SBNO2: variants seen among roughly 807,000 people sequenced by gnomAD.
The protein encoded by SBNO2 is protein strawberry notch homolog 2.
Under a neutral mutation model 146.3 loss-of-function variants are expected in SBNO2, and 89 were observed. The observed-to-expected ratio is 0.61, with a 90% CI of 0.51 to 0.73. SBNO2 has a LOEUF of 0.73. SBNO2 is among the 30% of genes least tolerant of loss of function. SBNO2 has a pLI of 0.00. For synonymous variants in SBNO2, 1,147 were observed against 892.6 expected (o/e 1.29, Z -5.08); for missense variants, 2,092 against 2,003.7 (o/e 1.04, Z -0.84).
At position 1,117,431 on chromosome 19, in the gene SBNO2, C is replaced by A. The variant is rs781433669; in HGVS notation, c.1596G>T (p.Leu532=). The change falls in exon 15 of 32, where the codon CTG becomes CTT. Residue 532 remains leucine, a synonymous_variant. Transcript: ENST00000361757. ...GGTGTGCCGACCAGAACTGGCCCCA[C>A]AGGGACTTGCGCGACTCCAGGCCGA... ...DWIGLESRKS[L]WGQFWSAHQR... 67 of 1,590,564 alleles carry A rather than the reference C, an allele frequency of 4.2e-5. No individual in the cohort carries two copies. Among genetic ancestry groups the A allele is most frequent in the Non-Finnish European group, 5.6e-5 (65 of 1,170,118 alleles).
At chr19:1,120,511 TG>T (rs1393907536) in intron 11 of SBNO2, among the ~76,000 whole-genome samples, 2 of 152,060 alleles carry the variant, frequency 1.3e-5, no homozygotes, top group African/African-American at 2.4e-5. Context: ...GGACTACAGG[TG>T]TGTGCCACCA....
chr19:1,116,923 C>T lies in SBNO2; in HGVS notation c.1708G>A (p.Val570Met), dbSNP rs1200708405. The change falls in exon 16 of 32, where the codon GTG (valine) becomes ATG (methionine). Residue 570 changes from valine (V) to methionine (M), a missense_variant. Val to Met is a conservative substitution (Grantham distance 21). Transcript: ENST00000361757. ...AREELARDKCVVIGLQSTGEA... is the reference protein window; with the variant it reads ...AREELARDKCMVIGLQSTGEA... ...CCCGTGGACTGCAGCCCGATGACCA[C>T]GCACTGTGGGACGGCAGAGGACTGT... The T allele has an allele frequency of 3.2e-6, 5 of 1,556,314 alleles. No individual in the cohort carries two copies. The highest frequency in any genetic ancestry group is 4.3e-6 in the Non-Finnish European group (5 of 1,156,648).
chr19:1,124,058 G>C, intron 5 of SBNO2, 36 bp from the exon 6 acceptor site: 1 of 1,591,886 alleles, frequency 6.3e-7, no homozygotes, highest in Non-Finnish European at 8.6e-7. Flanking sequence ...CGGGCCAGAC[G>C]GGACAGGTCA....
Position 1,136,019 on chromosome 19 carries a change from A to G in SBNO2, c.280-8254T>C, listed in dbSNP as rs750265251. Among the ~76,000 whole-genome samples the G allele has an allele frequency of 3.4e-5, 5 of 145,278 alleles. No individual in the cohort carries two copies. Among genetic ancestry groups the G allele is most frequent in the Admixed American group, 6.8e-5 (1 of 14,630 alleles). ...CCGGTCCTTGCAGATGTGAGTGGTT[A>G]AAAAAAAAAAGGCCGCACTGGCCGA... On this transcript the variant is annotated intron_variant, in intron 4 of 31. Transcript: ENST00000361757. The surrounding 1 kb of genome is among the most constrained non-coding windows in gnomAD (Gnocchi z 4.2).
At position 1,144,187 on chromosome 19, in the gene SBNO2, C is replaced by T. The variant is rs2080165104; in HGVS notation, c.279+3122G>A. ...GGGACCACGCATCCCGTCCCACACT[C>T]GACACCACAGAACCTTGCGGCCCAG... is the stretch of plus-strand genomic sequence containing the variant. On this transcript the variant is annotated intron_variant, in intron 4 of 31. Coordinates refer to ENST00000361757, the MANE Select transcript of SBNO2 (RefSeq NM_014963.3). The surrounding 1 kb of genome is among the most constrained non-coding windows in gnomAD (Gnocchi z 4.1). 6.6e-6 allele frequency among the ~76,000 whole-genome samples: 1 copy of T among 151,184 alleles called. No individual in the cohort carries two copies. The highest frequency in any genetic ancestry group is 6.6e-5 in the Admixed American group (1 of 15,178).
chr19:1,131,633 A>C (rs899300169), intron 4 of SBNO2, among the ~76,000 whole-genome samples: 2 of 152,050 alleles, frequency 1.3e-5, no homozygotes, highest in Admixed American at 6.6e-5. Flanking sequence ...GACCAGGCCC[A>C]CCCAGCCTCC....
At position 1,127,621 on chromosome 19, in the gene SBNO2, G is replaced by A. The variant is rs200703494; in HGVS notation, c.424C>T (p.Pro142Ser). Residue 142 changes from proline to serine, a missense_variant, in exon 5 of 32, where the codon CCC becomes TCC. Physicochemically the swap from Pro to Ser is moderately conservative, Grantham distance 74 (BLOSUM62 -1). Transcript: ENST00000361757. ...VSTIWDDNPA[P>S]STHDKLFQLS... ...GCACTGACCTTATCGTGGGTGGAGGGGGCAGGGTTATCGTCCCAGATGGTG... is the reference window on the plus strand; with the variant it reads ...GCACTGACCTTATCGTGGGTGGAGGAGGCAGGGTTATCGTCCCAGATGGTG... The A allele has an allele frequency of 9.4e-5, 152 of 1,612,926 alleles. No individual in the cohort carries two copies. The highest frequency in any genetic ancestry group is 1.2e-4 in the Non-Finnish European group (146 of 1,179,878).
chr19:1,134,328 A>ACAGCTCCCGGGTGGACCCT (rs2080066371), intron 4 of SBNO2, among the ~76,000 whole-genome samples: 1 of 151,408 alleles, frequency 6.6e-6, no homozygotes, highest in South Asian at 2.1e-4. Flanking sequence ...GGGTGGACCC[A>ACAGCTCCCGGGTGGACCCT]CAGCTCCCGG....
At chr19:1,138,119 T>G (rs1599856935) in intron 4 of SBNO2, among the ~76,000 whole-genome samples, 1 of 7,700 alleles carries the variant, frequency 1.3e-4, no homozygotes, top group Non-Finnish European at 2.3e-4. Context: ...TGGGGTGCGG[T>G]GGGGGGAGGC....
chr19:1,156,717 G>A (rs1220685463), intron 1 of SBNO2, among the ~76,000 whole-genome samples: 1 of 152,156 alleles, frequency 6.6e-6, no homozygotes, highest in Non-Finnish European at 1.5e-5. Context: ...CGCACCTTGA[G>A]GACGTCACGC....
chr19:1,144,757 C>T lies in SBNO2; in HGVS notation c.279+2552G>A, dbSNP rs1326396226. Among the ~76,000 whole-genome samples, 1 of 143,390 alleles carries T rather than the reference C, an allele frequency of 7.0e-6. No homozygotes were observed. Among genetic ancestry groups the T allele is most frequent in the Non-Finnish European group, 1.5e-5 (1 of 65,728 alleles). 94.1% of individuals were successfully genotyped at this position (143,390 alleles called of 152,430 possible). A position where few individuals can be genotyped will look rare whatever the true frequency, so the allele number is the denominator to read the frequency against. ...ACAAAGAGACAGGTGGAGAGGGAGA[C>T]AGAGAGACAGAGGCAGAGACAAAGA... is the stretch of plus-strand genomic sequence containing the variant. On this transcript the variant is annotated intron_variant, in intron 4 of 31. Coordinates refer to ENST00000361757, the MANE Select transcript of SBNO2 (RefSeq NM_014963.3). This position sits in a 1 kb window ranked among gnomAD's most constrained non-coding sequence, Gnocchi z 4.1.
chr19:1,111,403 C>A, intron 24 of SBNO2, 103 bp downstream of exon 24: 1 of 840,616 alleles, frequency 1.2e-6, no homozygotes, highest in South Asian at 1.6e-5. Context: ...AGGGGTCACT[C>A]AACACACAAC....
At chr19:1,161,735 T>A (rs888655412) in intron 1 of SBNO2, among the ~76,000 whole-genome samples, 1 of 152,004 alleles carries the variant, frequency 6.6e-6, no homozygotes, top group Non-Finnish European at 1.5e-5. Flanking sequence ...TCAAGTCTGC[T>A]GCCAAGGTTA....
rs1285690971 is a variant in SBNO2, at chr19:1,140,469, G to T, written c.279+6840C>A. Among the ~76,000 whole-genome samples the T allele has an allele frequency of 6.6e-6, 1 of 152,206 alleles. No individual in the cohort carries two copies. The highest frequency in any genetic ancestry group is 1.5e-5 in the Non-Finnish European group (1 of 68,028). On this transcript the variant is annotated intron_variant, in intron 4 of 31. Coordinates refer to ENST00000361757, the MANE Select transcript of SBNO2 (RefSeq NM_014963.3). This position sits in a 1 kb window ranked among gnomAD's most constrained non-coding sequence, Gnocchi z 4.4. ...CAACCTGGAGACGGAAGGCTGAGCA[G>T]AAGTGAGGGGGGCCCTTCCTCCGGG...
Position 1,117,887 on chromosome 19 carries a change from G to A in SBNO2, c.1528-388C>T, listed in dbSNP as rs561359215. On this transcript the variant is annotated intron_variant, in intron 14 of 31. Transcript: ENST00000361757. ...GCTGGCTGTGGTGGTCAGGTTTGGG[G>A]GCTGGTCCCGGCATGACTGGGTGGG... is the stretch of plus-strand genomic sequence containing the variant. Among the ~76,000 whole-genome samples, 13 of 152,336 alleles carry A rather than the reference G, an allele frequency of 8.5e-5. No homozygotes were observed. The East Asian group carries it at 2.3e-3, about 27-fold the overall frequency.
chr19:1,127,701 G>A lies in SBNO2; in HGVS notation c.344C>T (p.Ser115Leu), dbSNP rs777244162. Residue 115 changes from serine to leucine, a missense_variant, in exon 5 of 32, where the codon TCG becomes TTG. By Grantham distance (145) the Ser-to-Leu change is moderately radical. Coordinates refer to ENST00000361757, the MANE Select transcript of SBNO2 (RefSeq NM_014963.3). The part of the protein sequence containing the change: ...SIFSSSVDSL[S>L]DIVDTPDFLP... ...GAAGTCGGGCGTGTCCACGATGTCC[G>A]ACAGGGAGTCCACGGACGAGGAGAA... The A allele has an allele frequency of 6.8e-6, 11 of 1,613,478 alleles. No homozygotes were observed. The highest frequency in any genetic ancestry group is 1.1e-5 in the South Asian group (1 of 91,088).
chr19:1,153,801 G>C (rs1053472068), intron 2 of SBNO2, among the ~76,000 whole-genome samples: 7 of 152,184 alleles, frequency 4.6e-5, no homozygotes, highest in Admixed American at 1.3e-4. Flanking sequence ...ACCTCCCAAA[G>C]TGCTGGGATT....
rs891270348 is a variant in SBNO2 at position 1,140,493 on chromosome 19, G to A, written c.279+6816C>T. ...AGAAGTGAGGGGGGCCCTTCCTCCG[G>A]GCCAGGGTGGCTGGAGGGCCGGGCA... On this transcript the variant is annotated intron_variant, in intron 4 of 31. Transcript: ENST00000361757. The surrounding 1 kb of genome is among the most constrained non-coding windows in gnomAD (Gnocchi z 4.4). Among the ~76,000 whole-genome samples the A allele has an allele frequency of 2.0e-5, 3 of 152,150 alleles. No individual in the cohort carries two copies. The highest frequency in any genetic ancestry group is 4.4e-5 in the Non-Finnish European group (3 of 68,008).
rs1182701207 is a variant in SBNO2, at chr19:1,150,440, A to G, written c.94-998T>C. Among the ~76,000 whole-genome samples, 25 of 149,026 alleles carry G rather than the reference A, an allele frequency of 1.7e-4. No individual in the cohort carries two copies. Among genetic ancestry groups the G allele is most frequent in the African/African-American group, 6.4e-4 (25 of 38,962 alleles). ...TGCAGCAGAGAGACCCTGCCGTCAC[A>G]GACGCCCCCACAGTCACGGGGGAGA... is the stretch of plus-strand genomic sequence containing the variant. On this transcript the variant is annotated intron_variant, in intron 2 of 31. Coordinates refer to ENST00000361757, the MANE Select transcript of SBNO2 (RefSeq NM_014963.3). The surrounding 1 kb of genome is among the most constrained non-coding windows in gnomAD (Gnocchi z 6.2).
Sources: allele counts gnomAD v4.1 joint callset (sites outside exome capture counted in the v4.1 genomes callset), GRCh38; gene constraint gnomAD v4.1.1; non-coding constraint Gnocchi (gnomAD v3.1); transcripts MANE v1.5; gene names NCBI Gene and HGNC (gene_info 2026-07-23, HGNC 2026-07-21).